The following LBP variants were observed in gnomAD, a reference collection of about 807,000 sequenced individuals.
The protein encoded by LBP is lipopolysaccharide-binding protein.
A neutral mutation model predicts 56.6 loss-of-function variants in LBP; 53 were observed. The ratio of observed to expected loss-of-function variants is 0.94; its 90% confidence interval spans 0.75 to 1.18. The LOEUF (loss-of-function observed/expected upper bound fraction) is 1.18. LBP is among the 50% of genes most tolerant of loss of function. The pLI is 0.00. For synonymous variants in LBP, 227 were observed against 247.5 expected (o/e 0.92, Z 0.78); for missense variants, 601 against 598.3 (o/e 1.00, Z -0.05).
intron 4 of LBP, 107 bp from the exon 5 acceptor site, chr20:38,355,239 T>G: frequency 6.2e-6 from 6 of 962,528 alleles, no homozygotes; most frequent in South Asian, 1.3e-5. Context: ...CGGGAAGGGG[T>G]GGAGAGGGCT....
chr20:38,358,382 G>A (rs2076848538), intron 5 of LBP, among the ~76,000 whole-genome samples: 1 of 152,140 alleles, frequency 6.6e-6, no homozygotes, highest in African/African-American at 2.4e-5. Flanking sequence ...CTGCAACTCA[G>A]GCATCCCATG....
intron 3 of LBP, 82 bp from the exon 4 acceptor site, chr20:38,354,202 G>A (rs890479612): frequency 8.1e-7 from 1 of 1,233,900 alleles, no homozygotes; most frequent in Non-Finnish European, 1.1e-6. Flanking sequence ...TTGGAGGTCA[G>A]AACTGAGCCT....
chr20:38,360,581 ATAAATATTTG>A (rs2076856274), intron 5 of LBP, 113 bp from the exon 6 acceptor site: 1 of 675,398 alleles, frequency 1.5e-6, no homozygotes, highest in Non-Finnish European at 2.7e-6. Flanking sequence ...ACAAGCACTT[ATAAATATTTG>A]TAAATCAGTG....
chr20:38,355,607 G>C (rs5744206), intron 5 of LBP, among the ~76,000 whole-genome samples, 198 bp downstream of exon 5: 25 of 152,086 alleles, frequency 1.6e-4, no homozygotes, highest in Admixed American at 1.4e-3. Flanking sequence ...AAGTCCGTTC[G>C]GTTGGGCAGA....
intron 3 of LBP, among the ~76,000 whole-genome samples, chr20:38,352,038 TAAA>T (rs1326621621): frequency 5.8e-5 from 7 of 120,114 alleles, no homozygotes; most frequent in Admixed American, 8.7e-5. Flanking sequence ...ACTCCATCTC[TAAA>T]AAAAAAAAAA....
chr20:38,355,208 T>C, intron 4 of LBP, 138 bp from the exon 5 acceptor site: 1 of 729,460 alleles, frequency 1.4e-6, no homozygotes, highest in Admixed American at 2.1e-5. Context: ...AGGCTGGATG[T>C]GCTGGGACAC....
At chr20:38,349,509 G>A in intron 1 of LBP, 39 bp from the exon 2 acceptor site, 2 of 1,485,136 alleles carry the variant, frequency 1.3e-6, no homozygotes, top group East Asian at 2.4e-5. Flanking sequence ...GGAGGAGGCA[G>A]GCAGATCAAG....
chr20:38,356,420 GCACACACACACA>G lies in LBP; in HGVS notation c.588+1035_588+1046del, dbSNP rs34125610. ...CACACCCCCCACACCACACACACGC[GCACACACACACA>G]CACACACACACACACACACACACCC... On this transcript the variant is annotated intron_variant, in intron 5 of 14. Coordinates refer to ENST00000217407, the MANE Select transcript of LBP (RefSeq NM_004139.5). Among the ~76,000 whole-genome samples, 833 of 124,882 alleles carry G rather than the reference GCACACACACACA, an allele frequency of 6.7e-3. 21 individuals carry two copies. Among genetic ancestry groups the G allele is most frequent in the African/African-American group, 0.02 (612 of 29,986 alleles). The allele number at this position is 124,882 out of a possible 152,430, so 81.9% of individuals were successfully genotyped here.
At position 38,376,783 on chromosome 20, in the gene LBP, G is replaced by A. The variant is rs1018646763; in HGVS notation, c.*114G>A. ...TGAAGACATTTCTGCTCTCAGCTCC[G>A]GGGGTGAGGTGTGCCTGGCCTCTGC... On this transcript the variant is annotated 3_prime_UTR_variant, in exon 15 of 15. Transcript: ENST00000217407. 137 of 1,071,794 alleles carry A rather than the reference G, an allele frequency of 1.3e-4. No homozygotes were observed. Among genetic ancestry groups the A allele is most frequent in the Middle Eastern group, 2.0e-4 (1 of 5,060 alleles). The allele number at this position is 1,071,794 out of a possible 1,614,324, so 66.4% of individuals were successfully genotyped here.
chr20:38,365,430 C>T (rs996968716), intron 8 of LBP, among the ~76,000 whole-genome samples: 2 of 151,716 alleles, frequency 1.3e-5, no homozygotes, highest in African/African-American at 4.8e-5. Flanking sequence ...GGCAAGGTGG[C>T]TCATGCCTGT....
At chr20:38,349,436 C>A in intron 1 of LBP, 112 bp from the exon 2 acceptor site, 1 of 743,256 alleles carries the variant, frequency 1.3e-6, no homozygotes, top group Non-Finnish European at 2.4e-6. Context: ...GTACTTAATG[C>A]TAATAAGGAT....
intron 2 of LBP, among the ~76,000 whole-genome samples, chr20:38,350,538 C>T (rs575181847): frequency 1.3e-5 from 2 of 152,178 alleles, no homozygotes; most frequent in African/African-American, 2.4e-5. Flanking sequence ...ACTGCAAAAC[C>T]GTGAGCAATT....
intron 7 of LBP, 126 bp downstream of exon 7, chr20:38,364,192 G>A: frequency 1.4e-6 from 1 of 693,270 alleles, no homozygotes. Context: ...TTTGTCAAGG[G>A]CCGGGTGATA....
At chr20:38,367,202 C>T (rs533714736) in intron 9 of LBP, among the ~76,000 whole-genome samples, 1 of 152,182 alleles carries the variant, frequency 6.6e-6, no homozygotes, top group East Asian at 1.9e-4. Flanking sequence ...GCCTGTAATC[C>T]CAGCATTGTG....
intron 3 of LBP, among the ~76,000 whole-genome samples, chr20:38,352,515 G>C (rs575555530): frequency 6.6e-6 from 1 of 152,354 alleles, no homozygotes; most frequent in South Asian, 2.1e-4. Context: ...AGCACTTTGG[G>C]AGGCTGAGGC....
At chr20:38,352,669 C>G (rs145718383) in intron 3 of LBP, among the ~76,000 whole-genome samples, 1 of 152,142 alleles carries the variant, frequency 6.6e-6, no homozygotes, top group African/African-American at 2.4e-5. Flanking sequence ...ACAGGAGAAC[C>G]GCTGTAGCCT....
Position 38,360,694 on chromosome 20 carries a change from T to TG in LBP, c.589-9dup, listed in dbSNP as rs2076856854. The TG allele has an allele frequency of 6.2e-7, 1 of 1,606,044 alleles. No individual in the cohort carries two copies. Among genetic ancestry groups the TG allele is most frequent in the Non-Finnish European group, 8.5e-7 (1 of 1,172,918 alleles). On this transcript the variant is annotated splice_polypyrimidine_tract_variant and intron_variant, in intron 5 of 14. Transcript: ENST00000217407. The stretch of plus-strand genomic sequence containing the variant: ...AACTCACTCAGTCATTCTCTTCCCA[T>TG]GTTTTTCAGATTTGCGAAATGATCC...
chr20:38,375,740 T>C (rs930622965), intron 14 of LBP, among the ~76,000 whole-genome samples: 1 of 152,206 alleles, frequency 6.6e-6, no homozygotes, highest in Non-Finnish European at 1.5e-5. Flanking sequence ...AGGTTATCTT[T>C]TGAGGTGAGA....
chr20:38,363,939 A>T (rs1337278440), intron 6 of LBP, 36 bp from the exon 7 acceptor site: 1 of 1,471,918 alleles, frequency 6.8e-7, no homozygotes, highest in African/African-American at 1.4e-5. Flanking sequence ...TGAAAGTGTC[A>T]TCTGGCCCCT....
Sources: gnomAD v4.1 joint callset for allele counts (sites outside exome capture counted in the v4.1 genomes callset) on GRCh38, gnomAD v4.1.1 for gene constraint, MANE v1.5 for transcripts, NCBI Gene and HGNC (gene_info 2026-07-23, HGNC 2026-07-21) for gene names.